Variants in DNAH6 observed in about 807,000 individuals in gnomAD.
DNAH6 encodes axonemal beta dynein heavy chain 6.
In DNAH6, 340 loss-of-function variants were observed where a neutral mutation model predicts 491.4. The ratio of observed to expected loss-of-function variants is 0.69; its 90% CI spans 0.63 to 0.76. The LOEUF (loss-of-function observed/expected upper bound fraction) is 0.76, where lower values mean the gene tolerates loss of function less well. Ranked by LOEUF, DNAH6 falls within the 30% of genes least tolerant of loss-of-function variation. The probability of loss-of-function intolerance (pLI) is 0.00; values close to 1 mark genes in which losing one functional copy is unlikely to be tolerated. For synonymous variants in DNAH6, 1,603 were observed against 1,686.1 expected, an observed-to-expected ratio of 0.95 and a Z score of 1.21; for missense variants, 4,443 against 4,972.2, an observed-to-expected ratio of 0.89 and a Z score of 3.20.
intron 59 of DNAH6, among the ~76,000 whole-genome samples, chr2:84,720,440 G>A (rs1449488888): frequency 6.7e-6 from 1 of 149,480 alleles, no homozygotes; most frequent in African/African-American, 2.4e-5. Flanking sequence ...CACTACGCCC[G>A]GCTAATTTTT....
chr2:84,782,084 C>G (rs1676747750), intron 65 of DNAH6, among the ~76,000 whole-genome samples: 1 of 152,172 alleles, frequency 6.6e-6, no homozygotes, highest in African/African-American at 2.4e-5. Flanking sequence ...CGCATGGCAA[C>G]TAACCTTTAC....
intron 37 of DNAH6, among the ~76,000 whole-genome samples, chr2:84,664,477 C>A (rs1368501698): frequency 6.6e-6 from 1 of 151,852 alleles, no homozygotes; most frequent in Non-Finnish European, 1.5e-5. Context: ...AGACTTTAAA[C>A]CAACAAAGAT....
chr2:84,513,071 GA>G (rs540327317), upstream of DNAH6, among the ~76,000 whole-genome samples: 13 of 149,800 alleles, frequency 8.7e-5, no homozygotes, highest in Non-Finnish European at 1.9e-4. Flanking sequence ...GTATGAGGTA[GA>G]TTTTTTTAAG....
intron 11 of DNAH6, among the ~76,000 whole-genome samples, chr2:84,570,972 C>T (rs1392527877): frequency 6.6e-6 from 1 of 152,162 alleles, no homozygotes; most frequent in African/African-American, 2.4e-5. Context: ...TCTTTAAGAG[C>T]TGTAACACTC....
chr2:84,529,667 C>T (rs562263023), intron 4 of DNAH6, among the ~76,000 whole-genome samples: 171 of 152,266 alleles, frequency 1.1e-3, no homozygotes, highest in Non-Finnish European at 1.9e-3. Context: ...TTGGAAGTCA[C>T]ATAATTGTGA....
intron 61 of DNAH6, among the ~76,000 whole-genome samples, chr2:84,729,336 C>T (rs1027442178): frequency 6.6e-6 from 1 of 152,196 alleles, no homozygotes; most frequent in African/African-American, 2.4e-5. Context: ...GGACCTGGAA[C>T]CGGGATTTGA....
Position 84,718,358 on chromosome 2 carries a change from C to T in DNAH6, c.9766C>T (p.Leu3256Phe). The change falls in exon 59 of 77, where the codon CTT (leucine) becomes TTT (phenylalanine). Residue 3256 changes from leucine to phenylalanine, a missense_variant. By Grantham distance (22) the Leu-to-Phe change is conservative. This residue lies in a region of DNAH6 where 1,463 missense variants were observed against 1,656.6 expected (regional missense o/e 0.88). Coordinates refer to ENST00000389394, the MANE Select transcript of DNAH6 (RefSeq NM_001370.2). ...SEGNILDNEE[L>F]IDTLQDSKIT... ...AGGAAATATTCTGGACAATGAAGAA[C>T]TTATTGACACACTCCAGGATTCAAA... 6.5e-7 allele frequency: 1 copy of T among 1,540,380 alleles called. No homozygotes were observed. The highest frequency in any genetic ancestry group is 8.7e-7 in the Non-Finnish European group (1 of 1,143,940).
chr2:84,529,277 TATC>T (rs1490469533), intron 4 of DNAH6, 111 bp downstream of exon 4: 4 of 887,210 alleles, frequency 4.5e-6, no homozygotes, highest in East Asian at 5.5e-5. Context: ...TAATTTTGGT[TATC>T]ATTCAATGAT....
rs541660696 is a variant in DNAH6 at position 84,554,421 on chromosome 2, C to A, written c.1602+1387C>A. ...GGTCATCTTAGAATTCTGCCTACTACATTTGCATAGGTGCATAGGTTAGTA... is the reference window on the plus strand; with the variant it reads ...GGTCATCTTAGAATTCTGCCTACTAAATTTGCATAGGTGCATAGGTTAGTA... On this transcript the variant is annotated intron_variant, in intron 10 of 76. Coordinates refer to ENST00000389394, the MANE Select transcript of DNAH6 (RefSeq NM_001370.2). Among the ~76,000 whole-genome samples the A allele has an allele frequency of 1.8e-4, 27 of 152,276 alleles. No individual in the cohort carries two copies. In the East Asian group the frequency reaches 4.2e-3, roughly 24 times the overall value.
chr2:84,479,248 A>G, the DNAH6 span, among the ~76,000 whole-genome samples: 2 of 152,178 alleles, frequency 1.3e-5, no homozygotes, highest in African/African-American at 4.8e-5. Flanking sequence ...ACAGGGATGT[A>G]TGGTCTCACT....
intron 63 of DNAH6, among the ~76,000 whole-genome samples, chr2:84,756,490 T>A (rs1471101463): frequency 6.6e-6 from 1 of 152,234 alleles, no homozygotes; most frequent in Non-Finnish European, 1.5e-5. Context: ...TTGAGTATGA[T>A]GCTAAGAAGT....
chr2:84,720,317 C>A (rs1050344072), intron 59 of DNAH6, among the ~76,000 whole-genome samples: 1 of 126,474 alleles, frequency 7.9e-6, no homozygotes, highest in Non-Finnish European at 1.6e-5. Context: ...CTCGCTCTGT[C>A]GCCCAGGCTG....
At chr2:84,595,474 G>A (rs1328101025) in intron 17 of DNAH6, among the ~76,000 whole-genome samples, 172 bp from the exon 18 acceptor site, 3 of 152,102 alleles carry the variant, frequency 2.0e-5, no homozygotes, top group African/African-American at 4.8e-5. Context: ...AACATGAAAG[G>A]AATAAACAGG....
At chr2:84,611,912 TTTAG>T in intron 22 of DNAH6, 58 bp downstream of exon 22, 1 of 1,428,980 alleles carries the variant, frequency 7.0e-7, no homozygotes, top group Non-Finnish European at 9.4e-7. Context: ...AGTCTGGGAC[TTTAG>T]TCCCAGACTA....
At chr2:84,800,205 A>G (rs1323078271) in intron 70 of DNAH6, among the ~76,000 whole-genome samples, 3 of 152,198 alleles carry the variant, frequency 2.0e-5, no homozygotes, top group Admixed American at 6.5e-5. Context: ...TGTACACAAC[A>G]TACACCACAG....
At chr2:84,788,152 A>C (rs1677389321) in intron 68 of DNAH6, among the ~76,000 whole-genome samples, 1 of 152,198 alleles carries the variant, frequency 6.6e-6, no homozygotes, top group Non-Finnish European at 1.5e-5. Context: ...AAGGCCTGGA[A>C]TTTGGGAGGT....
At chr2:84,517,783 CTTTTCA>C in intron 1 of DNAH6, 30 bp from the exon 2 acceptor site, 1 of 1,491,956 alleles carries the variant, frequency 6.7e-7, no homozygotes, top group Non-Finnish European at 9.1e-7. Flanking sequence ...TTTTGATCTA[CTTTTCA>C]TTTTCTTTTT....
intron 33 of DNAH6, among the ~76,000 whole-genome samples, chr2:84,646,729 G>T (rs887752079): frequency 6.6e-6 from 1 of 152,202 alleles, no homozygotes; most frequent in African/African-American, 2.4e-5. Context: ...GGAGAGAGTG[G>T]TGAGGAAGCT....
chr2:84,475,588 A>AC, the DNAH6 span, among the ~76,000 whole-genome samples: 1 of 152,224 alleles, frequency 6.6e-6, no homozygotes, highest in Admixed American at 6.5e-5. Flanking sequence ...TAATCCAGCC[A>AC]TAGCCTGAGC....
Sources: gnomAD v4.1 joint callset for allele counts (sites outside exome capture counted in the v4.1 genomes callset) on GRCh38, gnomAD v4.1.1 for gene constraint, gnomAD v4.1.1 regional missense constraint, MANE v1.5 for transcripts, NCBI Gene and HGNC (gene_info 2026-07-23, HGNC 2026-07-21) for gene names.